The following MME variants were observed in gnomAD, a reference collection of about 807,000 sequenced individuals.
The protein encoded by MME is neprilysin.
In MME, 98 loss-of-function variants were observed where a neutral mutation model predicts 113.2. The observed-to-expected ratio is 0.87, with a 90% CI of 0.74 to 1.02. The LOEUF (loss-of-function observed/expected upper bound fraction) is 1.02, where lower values mean the gene tolerates loss of function less well. Among genes scored for constraint, MME ranks in the 50% least tolerant of loss-of-function variants. The probability of loss-of-function intolerance (pLI) is 0.00; values close to 1 mark genes in which losing one functional copy is unlikely to be tolerated. For synonymous variants in MME, 292 were observed against 300.6 expected (o/e 0.97, Z 0.30); for missense variants, 836 against 896.0 (o/e 0.93, Z 0.86).
intron 1 of MME, among the ~76,000 whole-genome samples, chr3:155,039,350 G>A (rs1713229069): frequency 6.6e-6 from 1 of 152,190 alleles, no homozygotes; most frequent in Non-Finnish European, 1.5e-5. Context: ...AACTAAAGTG[G>A]AAAAGGTATG....
At chr3:155,164,357 T>C (rs1442266306) in intron 17 of MME, among the ~76,000 whole-genome samples, 1 of 152,076 alleles carries the variant, frequency 6.6e-6, no homozygotes, top group Non-Finnish European at 1.5e-5. Flanking sequence ...AACTAACTTG[T>C]TGACAATCAT....
At chr3:155,069,280 G>C (rs1477876308) in intron 1 of MME, among the ~76,000 whole-genome samples, 1 of 152,184 alleles carries the variant, frequency 6.6e-6, no homozygotes, top group Non-Finnish European at 1.5e-5. Flanking sequence ...AAAGAGGAGG[G>C]AGAGACCAGT....
At chr3:155,066,132 A>G (rs747647744) in intron 1 of MME, among the ~76,000 whole-genome samples, 5 of 152,228 alleles carry the variant, frequency 3.3e-5, no homozygotes, top group East Asian at 3.8e-4. Context: ...TAAATATTCT[A>G]CAGTCCACAA....
At chr3:155,044,756 G>A (rs1713491786) in intron 1 of MME, among the ~76,000 whole-genome samples, 1 of 152,080 alleles carries the variant, frequency 6.6e-6, no homozygotes, top group Admixed American at 6.6e-5. Flanking sequence ...TTTTCCCCCT[G>A]TTAGTCCAAT....
At position 155,084,022 on chromosome 3, in the gene MME, T is replaced by A. The variant is rs902724736; in HGVS notation, c.-10-136T>A. 1.2e-4 allele frequency: 94 copies of A among 808,382 alleles called. 1 individual carries two copies. Among genetic ancestry groups the A allele is most frequent in the Non-Finnish European group, 2.2e-5 (11 of 504,432 alleles). 50.1% of individuals were successfully genotyped at this position (808,382 alleles called of 1,614,324 possible). Reference sequence around the variant, plus strand: ...TACTTTGCATTCAGCAACAAAATTTTGACTTCTCAACAGCAAAAATGTATT... The same window carrying A: ...TACTTTGCATTCAGCAACAAAATTTAGACTTCTCAACAGCAAAAATGTATT... On this transcript the variant is annotated intron_variant, in intron 1 of 22. Coordinates refer to ENST00000360490, the MANE Select transcript of MME (RefSeq NM_007289.4).
In MME at chr3:155,116,363, G is replaced by GTT. The variant is rs906048897; in HGVS notation, c.359-108_359-107dup. 5.0e-6 allele frequency: 4 copies of GTT among 802,950 alleles called. No homozygotes were observed. In the East Asian group the frequency reaches 8.3e-5, roughly 17 times the overall value. The allele number at this position is 802,950 out of a possible 1,614,324, so 49.7% of individuals were successfully genotyped here. A position where few individuals can be genotyped will look rare whatever the true frequency, so the allele number is the denominator to read the frequency against. On this transcript the variant is annotated intron_variant, in intron 4 of 22. Coordinates refer to ENST00000360490, the MANE Select transcript of MME (RefSeq NM_007289.4). ...ATGAATGTACCTCCAGAAAAGCAAGGTTTTTTTTTAACTGAACCCACTTTG... is the reference window on the plus strand; with the variant it reads ...ATGAATGTACCTCCAGAAAAGCAAGGTTTTTTTTTTTAACTGAACCCACTTTG...
At chr3:155,056,420 T>C (rs1467136999) in intron 1 of MME, among the ~76,000 whole-genome samples, 1 of 150,042 alleles carries the variant, frequency 6.7e-6, no homozygotes, top group Non-Finnish European at 1.5e-5. Context: ...TGAGTGAGAA[T>C]ATGCAGTGTT....
chr3:155,179,772 T>A (rs770371233), intron 22 of MME, among the ~76,000 whole-genome samples: 6 of 152,188 alleles, frequency 3.9e-5, no homozygotes, highest in Non-Finnish European at 8.8e-5. Context: ...GAAAATGGCA[T>A]TTTGCCAGCC....
At chr3:155,092,339 G>A (rs935606757) in intron 3 of MME, among the ~76,000 whole-genome samples, 6 of 152,356 alleles carry the variant, frequency 3.9e-5, no homozygotes, top group African/African-American at 1.4e-4. Context: ...CCAACTGTGA[G>A]TGAGGATGCG....
intron 17 of MME, among the ~76,000 whole-genome samples, chr3:155,166,384 T>C (rs1260014077): frequency 6.6e-6 from 1 of 152,178 alleles, no homozygotes; most frequent in East Asian, 1.9e-4. Context: ...GTTATGTGAT[T>C]GAGGTATACC....
chr3:155,122,253 C>T (rs1056610470), intron 8 of MME, among the ~76,000 whole-genome samples: 32 of 152,000 alleles, frequency 2.1e-4, no homozygotes, highest in Non-Finnish European at 3.4e-4. Flanking sequence ...TCTGTAGGAT[C>T]GGTGGTGATA....
At position 155,168,734 on chromosome 3, in the gene MME, T is replaced by G. The variant is rs746547101; in HGVS notation, c.1917T>G (p.Leu639=). Residue 639 remains leucine, a splice_region_variant and synonymous_variant, in exon 20 of 23, where the codon CTT becomes CTG. Transcript: ENST00000360490. ...TAATAAAGTGTCTTTTTTAACAGCT[T>G]AATGGAATTAATACACTGGGAGAAA... The part of the protein sequence containing the change: ...FSWDLAGGQH[L]NGINTLGENI... 6.2e-7 allele frequency: 1 copy of G among 1,613,030 alleles called. No individual in the cohort carries two copies. The highest frequency in any genetic ancestry group is 1.7e-4 in the Middle Eastern group (1 of 6,054).
intron 1 of MME, among the ~76,000 whole-genome samples, chr3:155,067,326 T>G (rs1240173757): frequency 7.8e-6 from 1 of 127,590 alleles, no homozygotes; most frequent in African/African-American, 3.6e-5. Flanking sequence ...TTTTTTTTTT[T>G]GGGAGACTGA....
intron 12 of MME, among the ~76,000 whole-genome samples, chr3:155,143,000 T>C (rs1265534449): frequency 6.6e-6 from 1 of 152,150 alleles, no homozygotes; most frequent in Non-Finnish European, 1.5e-5. Flanking sequence ...TCTCCCTTAC[T>C]TAGGTTATCC....
At chr3:155,129,055 G>T (rs1477145511) in intron 8 of MME, among the ~76,000 whole-genome samples, 1 of 152,120 alleles carries the variant, frequency 6.6e-6, no homozygotes, top group African/African-American at 2.4e-5. Context: ...TCATACATTT[G>T]CAGTTTACAT....
intron 3 of MME, among the ~76,000 whole-genome samples, chr3:155,091,049 T>A (rs1162478055): frequency 2.0e-5 from 3 of 152,216 alleles, no homozygotes; most frequent in Non-Finnish European, 2.9e-5. Flanking sequence ...AGCAGCCTTT[T>A]AGTGTAGGAA....
chr3:155,119,247 G>A (rs1718890893), intron 8 of MME, among the ~76,000 whole-genome samples: 1 of 152,034 alleles, frequency 6.6e-6, no homozygotes, highest in Non-Finnish European at 1.5e-5. Flanking sequence ...GAACTATGCA[G>A]GTAGTGACAT....
At chr3:155,041,652 C>T (rs559249031) in intron 1 of MME, among the ~76,000 whole-genome samples, 36 of 152,232 alleles carry the variant, frequency 2.4e-4, no homozygotes, top group Middle Eastern at 3.4e-3. Context: ...TTACCCAAAT[C>T]CCTTTTGGAA....
chr3:155,045,155 C>CT (rs56672619), intron 1 of MME, among the ~76,000 whole-genome samples: 10,471 of 143,460 alleles, frequency 0.073, 604 homozygotes, highest in African/African-American at 0.16. Context: ...TATAAAAAGA[C>CT]TTTTTTTTTT....
Sources: allele counts gnomAD v4.1 joint callset (sites outside exome capture counted in the v4.1 genomes callset), GRCh38; gene constraint gnomAD v4.1.1; transcripts MANE v1.5; gene names NCBI Gene and HGNC (gene_info 2026-07-23, HGNC 2026-07-21).